PRRC2B: variants seen among roughly 807,000 people sequenced by gnomAD.
PRRC2B encodes the protein protein PRRC2B.
A neutral mutation model predicts 242.3 loss-of-function variants in PRRC2B; 68 were observed. That is an observed-to-expected ratio of 0.28 (90% confidence interval 0.23 to 0.34). The LOEUF is 0.34. Ranked by LOEUF, PRRC2B falls within the 10% of genes least tolerant of loss-of-function variation. The pLI is 1.00. For synonymous variants in PRRC2B, 1,228 were observed against 1,173.6 expected (o/e 1.05, Z -0.95); for missense variants, 2,835 against 2,954.8 (o/e 0.96, Z 0.94).
At chr9:131,489,894 C>T (rs920297415) in intron 28 of PRRC2B, among the ~76,000 whole-genome samples, 33 of 152,000 alleles carry the variant, frequency 2.2e-4, no homozygotes, top group African/African-American at 7.2e-4. Flanking sequence ...TCCAGGCCGT[C>T]GCTCCTGGCT....
chr9:131,374,297 G>A (rs1588231208), intron 1 of PRRC2B, among the ~76,000 whole-genome samples: 1 of 151,816 alleles, frequency 6.6e-6, no homozygotes, highest in Non-Finnish European at 1.5e-5. Flanking sequence ...GGCGCCCAGC[G>A]GAGACTCTGT....
At chr9:131,427,963 T>C (rs2994048) in intron 1 of PRRC2B, among the ~76,000 whole-genome samples, 144,444 of 152,238 alleles carry the variant, frequency 0.95, 68,774 homozygotes, top group East Asian at 1. Context: ...GCTCTGTCAC[T>C]CAGGCTGGAG....
chr9:131,495,919 C>T lies in PRRC2B; in HGVS notation c.*45C>T, dbSNP rs1168966457. 7 of 1,581,002 alleles carry T rather than the reference C, an allele frequency of 4.4e-6. No individual in the cohort carries two copies. The highest frequency in any genetic ancestry group is 1.1e-5 in the South Asian group (1 of 90,424). On this transcript the variant is annotated 3_prime_UTR_variant, in exon 32 of 32. Coordinates refer to ENST00000683519, the MANE Select transcript of PRRC2B (RefSeq NM_013318.4). ...CGCCTCTCCCTACTGAGGACGGTGC[C>T]GCCATGCGGCCTCGACACAGCCGAC...
At chr9:131,493,635 AG>A (rs1197401493) in intron 30 of PRRC2B, among the ~76,000 whole-genome samples, 4 of 152,354 alleles carry the variant, frequency 2.6e-5, no homozygotes, top group African/African-American at 9.6e-5. Context: ...ATGGTGTTTT[AG>A]GGGGGTTGGG....
chr9:131,494,279 C>A lies in PRRC2B; in HGVS notation c.6474-126C>A. The A allele has an allele frequency of 1.6e-6, 1 of 609,280 alleles. No individual in the cohort carries two copies. Among genetic ancestry groups the A allele is most frequent in the South Asian group, 2.0e-5 (1 of 50,746 alleles). 37.7% of individuals were successfully genotyped at this position (609,280 alleles called of 1,614,324 possible). On this transcript the variant is annotated intron_variant, in intron 30 of 31. Transcript: ENST00000683519. The surrounding 1 kb of genome is among the most constrained non-coding windows in gnomAD (Gnocchi z 4.3). ...TTTTCCATCCAAGAGATCCACGGAC[C>A]GTCCCGAGTGAGCGCCTCTGGCCGC... is the stretch of plus-strand genomic sequence containing the variant.
At position 131,475,458 on chromosome 9, in the gene PRRC2B, G is replaced by C. The variant is rs750505715; in HGVS notation, c.3329G>C (p.Arg1110Pro). ...YCSSQRSGRG[R>P]GLREFARPED... ...AGCAGTCAGCGCAGCGGCCGTGGCC[G>C]GGGCCTGCGAGAGTTTGCGCGGCCA... Residue 1110 changes from arginine (R) to proline (P), a missense_variant, in exon 16 of 32, where the codon CGG (arginine) becomes CCG (proline). By Grantham distance (103) the Arg-to-Pro change is moderately radical. This residue lies in a region of PRRC2B where 1,536 missense variants were observed against 1,483.1 expected (regional missense o/e 1.04). Coordinates refer to ENST00000683519, the MANE Select transcript of PRRC2B (RefSeq NM_013318.4). 1 of 1,584,754 alleles carries C rather than the reference G, an allele frequency of 6.3e-7. No homozygotes were observed. The highest frequency in any genetic ancestry group is 1.1e-5 in the South Asian group (1 of 88,158).
chr9:131,473,050 G>A (rs2131441598), intron 14 of PRRC2B, among the ~76,000 whole-genome samples: 1 of 152,270 alleles, frequency 6.6e-6, no homozygotes. Context: ...GAATTCCTGG[G>A]AGGGGGACAA....
At chr9:131,423,044 C>T (rs1280846174) in intron 1 of PRRC2B, among the ~76,000 whole-genome samples, 1 of 152,156 alleles carries the variant, frequency 6.6e-6, no homozygotes, top group African/African-American at 2.4e-5. Context: ...GGACTTCTTT[C>T]CAGCAGGCAT....
chr9:131,491,368 G>A lies in PRRC2B; in HGVS notation c.6226-57G>A, dbSNP rs565538414. 3.3e-5 allele frequency: 50 copies of A among 1,503,916 alleles called. No homozygotes were observed. The African/African-American group carries it at 3.5e-4, about 11-fold the overall frequency. 93.2% of individuals were successfully genotyped at this position (1,503,916 alleles called of 1,614,324 possible). A position where few individuals can be genotyped will look rare whatever the true frequency, so the allele number is the denominator to read the frequency against. On this transcript the variant is annotated intron_variant, in intron 28 of 31. Coordinates refer to ENST00000683519, the MANE Select transcript of PRRC2B (RefSeq NM_013318.4). ...TGCATGTGCGGTCGCTCTTTGGTGC[G>A]TTTGGGGTTTCTCCATAGCATCATT...
At chr9:131,486,784 T>C (rs1944036484) in intron 26 of PRRC2B, among the ~76,000 whole-genome samples, 1 of 152,238 alleles carries the variant, frequency 6.6e-6, no homozygotes, top group Non-Finnish European at 1.5e-5. Context: ...TTTAAAAACA[T>C]GTTCTTAACT....
At chr9:131,449,971 C>T (rs1024025043) in intron 9 of PRRC2B, among the ~76,000 whole-genome samples, 1 of 152,206 alleles carries the variant, frequency 6.6e-6, no homozygotes, top group Non-Finnish European at 1.5e-5. Context: ...GTTGATAAGA[C>T]TTCACTTTCC....
intron 10 of PRRC2B, among the ~76,000 whole-genome samples, chr9:131,455,722 C>T (rs957371721): frequency 1.3e-5 from 2 of 151,932 alleles, no homozygotes; most frequent in Non-Finnish European, 2.9e-5. Context: ...GCCACGTTAC[C>T]CAGGTTTGGT....
chr9:131,447,008 A>C, intron 7 of PRRC2B, 77 bp from the exon 8 acceptor site: 8 of 1,581,376 alleles, frequency 5.1e-6, no homozygotes, highest in Non-Finnish European at 6.9e-6. Context: ...CCACTTTATA[A>C]AACACATTCT....
chr9:131,472,569 C>T (rs528187242), intron 14 of PRRC2B, among the ~76,000 whole-genome samples: 5 of 150,118 alleles, frequency 3.3e-5, no homozygotes, highest in Non-Finnish European at 1.5e-5. Context: ...CTCCACCTCC[C>T]GGGTTCAAGC....
intron 15 of PRRC2B, 95 bp downstream of exon 15, chr9:131,473,819 A>G (rs1014452807): frequency 1.1e-6 from 1 of 920,470 alleles, no homozygotes; most frequent in Admixed American, 2.3e-5. Flanking sequence ...CCTAGGAGAC[A>G]CTGCCCACGG....
At chr9:131,376,716 G>C (rs548988844) in intron 1 of PRRC2B, among the ~76,000 whole-genome samples, 1 of 152,236 alleles carries the variant, frequency 6.6e-6, no homozygotes, top group South Asian at 2.1e-4. Flanking sequence ...TGCTGTGTGG[G>C]AGACAAAAAA....
intron 1 of PRRC2B, among the ~76,000 whole-genome samples, chr9:131,407,822 T>C (rs567263452): frequency 1.2e-4 from 19 of 152,330 alleles, no homozygotes; most frequent in African/African-American, 4.6e-4. Context: ...TGTGTGACCC[T>C]GGTTCTCACT....
At chr9:131,443,569 G>C (rs144299262) in intron 5 of PRRC2B, among the ~76,000 whole-genome samples, 1 of 152,070 alleles carries the variant, frequency 6.6e-6, no homozygotes, top group Non-Finnish European at 1.5e-5. Context: ...GAGTAGTTGG[G>C]ACTACAGGCG....
rs774089087 is a variant in PRRC2B, at chr9:131,475,568, C to T, written c.3439C>T (p.Arg1147Cys). The T allele has an allele frequency of 9.9e-6, 16 of 1,612,672 alleles. No individual in the cohort carries two copies. The highest frequency in any genetic ancestry group is 2.2e-5 in the South Asian group (2 of 91,052). ...EGSEYEELPKRRRQRGSENGN... is the reference protein window; with the variant it reads ...EGSEYEELPKCRRQRGSENGN... ...CTCAGAGTATGAAGAACTTCCCAAG[C>T]GCCGCCGGCAGAGGGGCTCCGAGAA... Residue 1147 changes from arginine to cysteine, a missense_variant, in exon 16 of 32, where the codon CGC becomes TGC. By Grantham distance (180) the Arg-to-Cys change is radical. This residue lies in a region of PRRC2B where 1,536 missense variants were observed against 1,483.1 expected (regional missense o/e 1.04). Coordinates refer to ENST00000683519, the MANE Select transcript of PRRC2B (RefSeq NM_013318.4).
Sources: gnomAD v4.1 joint callset for allele counts (sites outside exome capture counted in the v4.1 genomes callset) on GRCh38, gnomAD v4.1.1 for gene constraint, gnomAD v4.1.1 regional missense constraint, Gnocchi (gnomAD v3.1) non-coding constraint, MANE v1.5 for transcripts, NCBI Gene and HGNC (gene_info 2026-07-23, HGNC 2026-07-21) for gene names.